The following KCNH8 variants were observed in gnomAD, a reference collection of about 807,000 sequenced individuals.
The protein encoded by KCNH8 is potassium voltage-gated channel subfamily H member 8.
Under a neutral mutation model 103.6 loss-of-function variants are expected in KCNH8, and 70 were observed. The observed-to-expected ratio is 0.68, with a 90% CI of 0.56 to 0.82. The LOEUF (loss-of-function observed/expected upper bound fraction) is 0.82, where lower values mean the gene tolerates loss of function less well. Ranked by LOEUF, KCNH8 falls within the 40% of genes least tolerant of loss-of-function variation. The probability of loss-of-function intolerance (pLI) is 0.00; values close to 1 mark genes in which losing one functional copy is unlikely to be tolerated. For synonymous variants in KCNH8, 498 were observed against 489.4 expected, an observed-to-expected ratio of 1.02 and a Z score of -0.23; for missense variants, 1,217 against 1,329.9, an observed-to-expected ratio of 0.92 and a Z score of 1.32.
intron 1 of KCNH8, among the ~76,000 whole-genome samples, chr3:19,161,763 A>G (rs762052097): frequency 4.6e-5 from 7 of 152,214 alleles, no homozygotes; most frequent in Non-Finnish European, 8.8e-5. Context: ...AAATTAATAA[A>G]ATGTATGAAG....
chr3:19,209,938 G>A (rs77814278), intron 1 of KCNH8, among the ~76,000 whole-genome samples: 6,721 of 151,972 alleles, frequency 0.044, 455 homozygotes, highest in African/African-American at 0.14. Context: ...TTTTGGGGGC[G>A]GAAATACTGC....
intron 1 of KCNH8, among the ~76,000 whole-genome samples, chr3:19,189,892 TTAGA>T (rs950898975): frequency 1.3e-3 from 203 of 152,138 alleles, no homozygotes; most frequent in African/African-American, 4.6e-3. Context: ...CTGACGCTAC[TTAGA>T]TAGATTCATT....
At chr3:19,199,856 T>G (rs897308561) in intron 1 of KCNH8, among the ~76,000 whole-genome samples, 2 of 152,006 alleles carry the variant, frequency 1.3e-5, no homozygotes, top group African/African-American at 4.8e-5. Flanking sequence ...AAGTGAGTGG[T>G]CCTTTCTATC....
chr3:19,292,830 AG>A (rs1264681640), intron 3 of KCNH8, among the ~76,000 whole-genome samples: 3 of 152,152 alleles, frequency 2.0e-5, no homozygotes, highest in Non-Finnish European at 4.4e-5. Flanking sequence ...TCTTTCTATG[AG>A]GGTTCTCCTT....
chr3:19,299,649 TAAAAC>T (rs2065039984), intron 3 of KCNH8, among the ~76,000 whole-genome samples: 1 of 151,282 alleles, frequency 6.6e-6, no homozygotes, highest in Non-Finnish European at 1.5e-5. Flanking sequence ...TAAAAAAAAA[TAAAAC>T]AAAAATAAAA....
intron 1 of KCNH8, among the ~76,000 whole-genome samples, chr3:19,220,368 G>A (rs910107304): frequency 4.6e-5 from 7 of 152,120 alleles, no homozygotes; most frequent in African/African-American, 1.7e-4. Context: ...TTTGTTCTTT[G>A]GTTTAGTTTC....
At chr3:19,166,465 C>G (rs767194866) in intron 1 of KCNH8, among the ~76,000 whole-genome samples, 2 of 152,158 alleles carry the variant, frequency 1.3e-5, no homozygotes, top group Admixed American at 6.5e-5. Context: ...AAAAGGATGG[C>G]AGTCAACTCA....
At chr3:19,310,255 C>G (rs543524709) in intron 3 of KCNH8, among the ~76,000 whole-genome samples, 1 of 151,902 alleles carries the variant, frequency 6.6e-6, no homozygotes, top group South Asian at 2.1e-4. Context: ...TTCAGTGTTG[C>G]CTTACATAAG....
At chr3:19,446,158 C>A (rs757705073) in intron 8 of KCNH8, among the ~76,000 whole-genome samples, 5 of 151,732 alleles carry the variant, frequency 3.3e-5, no homozygotes, top group Non-Finnish European at 7.4e-5. Context: ...TTTTCACAAC[C>A]AGACAAAATA....
chr3:19,331,403 T>C (rs565157454), intron 3 of KCNH8, among the ~76,000 whole-genome samples: 5 of 152,102 alleles, frequency 3.3e-5, no homozygotes, highest in African/African-American at 1.2e-4. Context: ...GTGATTCTCC[T>C]GCCTCAGCCT....
intron 1 of KCNH8, among the ~76,000 whole-genome samples, chr3:19,151,416 T>G (rs904685488): frequency 6.6e-6 from 1 of 152,138 alleles, no homozygotes; most frequent in Non-Finnish European, 1.5e-5. Context: ...TATTTTACGG[T>G]CATGCTAGTT....
intron 1 of KCNH8, among the ~76,000 whole-genome samples, chr3:19,195,227 T>C (rs1458833997): frequency 6.6e-6 from 1 of 151,862 alleles, no homozygotes; most frequent in Non-Finnish European, 1.5e-5. Flanking sequence ...TAACCCCTGT[T>C]CCAGTCATGA....
intron 1 of KCNH8, among the ~76,000 whole-genome samples, chr3:19,211,090 A>G (rs995275094): frequency 3.3e-5 from 5 of 152,166 alleles, no homozygotes; most frequent in African/African-American, 1.2e-4. Flanking sequence ...AGTTTTCTAC[A>G]TACGTTTATG....
chr3:19,201,689 C>T (rs1308537193), intron 1 of KCNH8, among the ~76,000 whole-genome samples: 2 of 151,996 alleles, frequency 1.3e-5, no homozygotes, highest in African/African-American at 4.8e-5. Context: ...TAATAATCTC[C>T]TGGGTACCTT....
intron 14 of KCNH8, among the ~76,000 whole-genome samples, chr3:19,517,516 T>C (rs1022706377): frequency 3.3e-5 from 5 of 151,782 alleles, no homozygotes; most frequent in African/African-American, 1.2e-4. Flanking sequence ...CCCTTTAGAG[T>C]GATGCAGGAA....
intron 2 of KCNH8, among the ~76,000 whole-genome samples, chr3:19,259,922 C>G (rs889690890): frequency 1.3e-5 from 2 of 151,642 alleles, no homozygotes; most frequent in African/African-American, 2.4e-5. Context: ...AAATCTCAAA[C>G]TGACCTAAGC....
At chr3:19,387,704 AT>A (rs1395963723) in intron 5 of KCNH8, among the ~76,000 whole-genome samples, 2 of 152,138 alleles carry the variant, frequency 1.3e-5, no homozygotes, top group African/African-American at 4.8e-5. Context: ...TCCCCTGAAA[AT>A]AAACCAAAAA....
rs115544254 is a variant in KCNH8 at position 19,242,880 on chromosome 3, G to T, written c.77-10774G>T. Among the ~76,000 whole-genome samples the T allele has an allele frequency of 2.9e-3, 441 of 152,236 alleles. 3 individuals carry two copies. Among genetic ancestry groups the T allele is most frequent in the African/African-American group, 0.01 (423 of 41,544 alleles). On this transcript the variant is annotated intron_variant, in intron 1 of 15. Transcript: ENST00000328405. ...TGTACTTTGAGAAACCGTGGGTTTG[G>T]TGACAACAAAAGAAAAAACAAAACA...
At chr3:19,185,754 A>G (rs1432287149) in intron 1 of KCNH8, among the ~76,000 whole-genome samples, 4 of 151,978 alleles carry the variant, frequency 2.6e-5, no homozygotes, top group Non-Finnish European at 5.9e-5. Flanking sequence ...AAAAATACTA[A>G]TTCAAATGTA....
Sources: gnomAD v4.1 joint callset for allele counts (sites outside exome capture counted in the v4.1 genomes callset) on GRCh38, gnomAD v4.1.1 for gene constraint, MANE v1.5 for transcripts, NCBI Gene and HGNC (gene_info 2026-07-23, HGNC 2026-07-21) for gene names.